The following ZNF346 variants were observed in gnomAD, a reference collection of about 807,000 sequenced individuals.
ZNF346 encodes the protein zinc finger protein 346.
In ZNF346, 23 loss-of-function variants were observed where a neutral mutation model predicts 33.7. The observed-to-expected ratio is 0.68, with a 90% CI of 0.49 to 0.97. ZNF346 has a LOEUF of 0.97. ZNF346 is among the 50% of genes least tolerant of loss of function. ZNF346 has a pLI of 0.00. For missense variants in ZNF346, 340 were observed against 371.1 expected (o/e 0.92, Z 0.69); for synonymous variants, 134 against 142.4 (o/e 0.94, Z 0.42).
chr5:177,038,278 T>TGTGG (rs1778830611), intron 1 of ZNF346, among the ~76,000 whole-genome samples: 1 of 140,524 alleles, frequency 7.1e-6, no homozygotes. Context: ...TGTGTGTGTG[T>TGTGG]GTTTTTTAAT....
intron 1 of ZNF346, among the ~76,000 whole-genome samples, chr5:177,034,931 A>G (rs1778261201): frequency 6.6e-6 from 1 of 152,174 alleles, no homozygotes; most frequent in South Asian, 2.1e-4. Flanking sequence ...TGGAACATGT[A>G]TGCATTATTC....
chr5:177,074,131 G>A (rs995149265), intron 8 of ZNF346, among the ~76,000 whole-genome samples: 2 of 152,208 alleles, frequency 1.3e-5, no homozygotes, highest in Non-Finnish European at 2.9e-5. Flanking sequence ...ACAGAATTGT[G>A]AGAAATAATA....
chr5:177,071,616 C>T (rs539973745), downstream of ZNF346, among the ~76,000 whole-genome samples: 5 of 149,694 alleles, frequency 3.3e-5, no homozygotes, highest in South Asian at 2.1e-4. Context: ...ACCCGGGAGG[C>T]GGAGCTTGCA....
chr5:177,070,327 T>C (rs1383557291), downstream of ZNF346, among the ~76,000 whole-genome samples: 1 of 152,146 alleles, frequency 6.6e-6, no homozygotes, highest in East Asian at 1.9e-4. Context: ...CAAGACAGGT[T>C]TGAATTTTGT....
intron 5 of ZNF346, among the ~76,000 whole-genome samples, chr5:177,057,803 T>TATTG (rs1781922067): frequency 9.4e-6 from 1 of 106,914 alleles, no homozygotes; most frequent in African/African-American, 3.5e-5. Context: ...TTTTCTTATT[T>TATTG]ATTTATTTAT....
intron 5 of ZNF346, among the ~76,000 whole-genome samples, chr5:177,060,288 C>T (rs569957533): frequency 2.6e-5 from 4 of 152,230 alleles, no homozygotes; most frequent in Non-Finnish European, 4.4e-5. Flanking sequence ...TTTAGGAGGT[C>T]GAGGTGGGTG....
At chr5:177,045,112 C>T (rs889865955) in intron 4 of ZNF346, among the ~76,000 whole-genome samples, 4 of 152,190 alleles carry the variant, frequency 2.6e-5, no homozygotes, top group Non-Finnish European at 5.9e-5. Flanking sequence ...TATCTCGTCA[C>T]GACTAGGGCT....
intron 3 of ZNF346, among the ~76,000 whole-genome samples, chr5:177,043,474 C>A (rs957668341): frequency 1.3e-5 from 2 of 151,966 alleles, no homozygotes; most frequent in East Asian, 3.9e-4. Flanking sequence ...ACAAGTAGAA[C>A]GCAATGGGAG....
intron 1 of ZNF346, among the ~76,000 whole-genome samples, chr5:177,032,481 G>A (rs184010143): frequency 6.6e-6 from 1 of 151,782 alleles, no homozygotes. Flanking sequence ...CACAATCTCA[G>A]TTCACTGCAA....
intron 3 of ZNF346, among the ~76,000 whole-genome samples, chr5:177,043,882 A>G (rs570937102): frequency 1.4e-4 from 22 of 152,280 alleles, no homozygotes; most frequent in African/African-American, 3.6e-4. Context: ...CCGTGTTCCA[A>G]TGTCACACTT....
At chr5:177,058,291 G>GA (rs1324242345) in intron 5 of ZNF346, among the ~76,000 whole-genome samples, 8 of 151,794 alleles carry the variant, frequency 5.3e-5, no homozygotes, top group African/African-American at 1.9e-4. Context: ...CCTCAACATG[G>GA]AGAAACCCCG....
intron 5 of ZNF346, among the ~76,000 whole-genome samples, chr5:177,053,483 C>T (rs992342631): frequency 3.9e-5 from 6 of 151,902 alleles, no homozygotes; most frequent in Non-Finnish European, 8.8e-5. Context: ...AAGTCTTGCC[C>T]AAAGTATTTG....
chr5:177,026,877 G>A (rs935269772), intron 1 of ZNF346, among the ~76,000 whole-genome samples: 2 of 152,146 alleles, frequency 1.3e-5, no homozygotes, highest in African/African-American at 4.8e-5. Flanking sequence ...GTAGGATGTA[G>A]GATATAGCGT....
chr5:177,030,285 C>T (rs949391003), intron 1 of ZNF346, among the ~76,000 whole-genome samples: 3 of 152,008 alleles, frequency 2.0e-5, no homozygotes, highest in Admixed American at 6.6e-5. Flanking sequence ...AATTCCATTG[C>T]GTTCAAAGAA....
intron 5 of ZNF346, among the ~76,000 whole-genome samples, chr5:177,054,903 A>G (rs1300818472): frequency 6.6e-6 from 1 of 152,182 alleles, no homozygotes; most frequent in East Asian, 1.9e-4. Flanking sequence ...AACTGATTCT[A>G]TAAATTAAGA....
chr5:177,038,348 A>G (rs779870167), intron 1 of ZNF346, among the ~76,000 whole-genome samples: 112 of 150,518 alleles, frequency 7.4e-4, no homozygotes, highest in Non-Finnish European at 1.3e-3. Context: ...TCTGGGCTGA[A>G]GCAATCCTCT....
intron 4 of ZNF346, among the ~76,000 whole-genome samples, chr5:177,046,222 A>AC (rs1780019453): frequency 6.7e-6 from 1 of 149,240 alleles, no homozygotes; most frequent in Non-Finnish European, 1.5e-5. Context: ...AATCGCTTGA[A>AC]CCCGGGAGCT....
At chr5:177,026,499 A>G (rs980308513) in intron 1 of ZNF346, among the ~76,000 whole-genome samples, 2 of 151,278 alleles carry the variant, frequency 1.3e-5, no homozygotes, top group Non-Finnish European at 2.9e-5. Flanking sequence ...AGCTGGGATT[A>G]CAGGAGGGTG....
chr5:177,031,161 G>C (rs1306954625), intron 1 of ZNF346, among the ~76,000 whole-genome samples: 1 of 152,038 alleles, frequency 6.6e-6, no homozygotes, highest in Admixed American at 6.6e-5. Context: ...TCAGCCTCCC[G>C]AGTAGCTGGG....
Sources: allele counts gnomAD v4.1 joint callset (sites outside exome capture counted in the v4.1 genomes callset), GRCh38; gene constraint gnomAD v4.1.1; transcripts MANE v1.5; gene names NCBI Gene and HGNC (gene_info 2026-07-23, HGNC 2026-07-21).